Variants in STAB2 observed in about 807,000 individuals in gnomAD.
STAB2 encodes stabilin 2, also known as stabilin-2.
Under a neutral mutation model 338.1 loss-of-function variants are expected in STAB2, and 288 were observed. The observed-to-expected ratio is 0.85, with a 90% CI of 0.77 to 0.94. STAB2 has a LOEUF of 0.94. STAB2 is among the 40% of genes least tolerant of loss of function. The pLI, the probability that STAB2 is intolerant of heterozygous loss-of-function variation, is 0.00. For missense variants in STAB2, 3,141 were observed against 3,210.1 expected (o/e 0.98, Z 0.52); for synonymous variants, 1,202 against 1,193.3 (o/e 1.01, Z -0.15).
rs577926419 is a variant in STAB2 at position 103,591,149 on chromosome 12, A to G, written c.215+119A>G. 42 of 1,345,660 alleles carry G rather than the reference A, an allele frequency of 3.1e-5. 2 individuals are homozygous for G. In the South Asian group the frequency reaches 5.2e-4, roughly 17 times the overall value. 83.4% of individuals were successfully genotyped at this position (1,345,660 alleles called of 1,614,324 possible). ...GCTCTAAGACAATAAGCCCAAACTTAGGTAACTCACAATTTATGAACTTAA... is the reference window on the plus strand; with the variant it reads ...GCTCTAAGACAATAAGCCCAAACTTGGGTAACTCACAATTTATGAACTTAA... On this transcript the variant is annotated intron_variant, in intron 2 of 68. Coordinates refer to ENST00000388887, the MANE Select transcript of STAB2 (RefSeq NM_017564.10).
At chr12:103,747,497 C>G (rs1202826118) in intron 58 of STAB2, among the ~76,000 whole-genome samples, 2 of 152,132 alleles carry the variant, frequency 1.3e-5, no homozygotes, top group African/African-American at 4.8e-5. Context: ...ATAAGCCCAG[C>G]CTGGACAGCA....
chr12:103,615,795 T>G (rs1481601849), intron 3 of STAB2, among the ~76,000 whole-genome samples: 1 of 152,104 alleles, frequency 6.6e-6, no homozygotes, highest in Non-Finnish European at 1.5e-5. Context: ...ACAGAGTAAG[T>G]GCAAGCAGGG....
chr12:103,587,405 T>TA lies in STAB2; in HGVS notation c.-71dup, dbSNP rs1956726258. ...AATGAGAAAGAATTCACTGGGAGTT[T>TA]ATCAAACTAAGTTAAAATAGCTAAG... On this transcript the variant is annotated 5_prime_UTR_variant, in exon 1 of 69. It introduces an in-frame stop codon into an upstream open reading frame of the 5' UTR. Coordinates refer to ENST00000388887, the MANE Select transcript of STAB2 (RefSeq NM_017564.10). 1 of 1,238,654 alleles carries TA rather than the reference T, an allele frequency of 8.1e-7. No homozygotes were observed. The highest frequency in any genetic ancestry group is 2.0e-5 in the Admixed American group (1 of 50,820). 76.7% of individuals were successfully genotyped at this position (1,238,654 alleles called of 1,614,324 possible). A position where few individuals can be genotyped will look rare whatever the true frequency, so the allele number is the denominator to read the frequency against.
chr12:103,647,966 A>T (rs1873456978), intron 9 of STAB2, among the ~76,000 whole-genome samples: 1 of 152,248 alleles, frequency 6.6e-6, no homozygotes, highest in Non-Finnish European at 1.5e-5. Flanking sequence ...AGCACCTATT[A>T]TGGACCTACC....
chr12:103,688,377 T>C (rs1385669936), intron 28 of STAB2, among the ~76,000 whole-genome samples, 162 bp downstream of exon 28: 1 of 152,172 alleles, frequency 6.6e-6, no homozygotes, highest in Non-Finnish European at 1.5e-5. Context: ...ATGGAACACA[T>C]TTTTAAAAAA....
At chr12:103,744,225 C>A (rs1882815152) in intron 56 of STAB2, among the ~76,000 whole-genome samples, 1 of 152,152 alleles carries the variant, frequency 6.6e-6, no homozygotes, top group Admixed American at 6.5e-5. Flanking sequence ...CTCACTGCAG[C>A]CTCAACCTCC....
At position 103,750,592 on chromosome 12, in the gene STAB2, G is replaced by T. The variant is rs1313830767; in HGVS notation, c.6452G>T (p.Cys2151Phe). ...CTCCCTCCACAGGGCAAGCACAAGT[G>T]TGAGTGTAAAAGTCACTATGTCGGA... The part of the protein sequence containing the change: ...CKMTGPGKHK[C>F]ECKSHYVGDG... The change falls in exon 60 of 69, where the codon TGT (cysteine) becomes TTT (phenylalanine). Residue 2151 changes from cysteine (C) to phenylalanine (F), a missense_variant. Coordinates refer to ENST00000388887, the MANE Select transcript of STAB2 (RefSeq NM_017564.10). 3 of 1,614,198 alleles carry T rather than the reference G, an allele frequency of 1.9e-6. No homozygotes were observed. Among genetic ancestry groups the T allele is most frequent in the East Asian group, 4.5e-5 (2 of 44,886 alleles).
rs201082962 is a variant in STAB2 at position 103,587,494 on chromosome 12, A to C, written c.18A>C (p.Leu6Phe). 2 of 1,613,976 alleles carry C rather than the reference A, an allele frequency of 1.2e-6. No homozygotes were observed. Among genetic ancestry groups the C allele is most frequent in the East Asian group, 4.5e-5 (2 of 44,870 alleles). ...ATTTCCTCATGATGCTACAACATTT[A>C]GTAATTTTTTGTCTTGGATTGGTTG... Reference protein sequence around the residue: MMLQHLVIFCLGLVVQ... With the variant: MMLQHFVIFCLGLVVQ... The change falls in exon 1 of 69, where the codon TTA becomes TTC. Residue 6 changes from leucine (L) to phenylalanine (F), a missense_variant. Transcript: ENST00000388887.
chr12:103,665,865 A>G (rs1038955524), intron 18 of STAB2, among the ~76,000 whole-genome samples: 6 of 152,320 alleles, frequency 3.9e-5, no homozygotes, highest in Admixed American at 2.6e-4. Context: ...GTGTTCGGCT[A>G]TATTGCTGCT....
intron 3 of STAB2, among the ~76,000 whole-genome samples, chr12:103,595,435 G>T (rs886122497): frequency 1.3e-5 from 2 of 151,952 alleles, no homozygotes; most frequent in Non-Finnish European, 2.9e-5. Flanking sequence ...ATATCAATTT[G>T]TATTCTGTCG....
intron 3 of STAB2, among the ~76,000 whole-genome samples, chr12:103,608,299 T>C (rs831430): frequency 0.79 from 119,914 of 152,062 alleles, 47,569 homozygotes; most frequent in East Asian, 1. Context: ...CCTCCAAGCC[T>C]AGCTAATTTT....
chr12:103,642,407 A>G (rs1014881698), intron 9 of STAB2, among the ~76,000 whole-genome samples: 2 of 152,208 alleles, frequency 1.3e-5, no homozygotes, highest in Non-Finnish European at 2.9e-5. Context: ...AAAAGTACAA[A>G]CAACAGTGAA....
At position 103,763,495 on chromosome 12, in the gene STAB2, G is replaced by A. The variant is rs757879305; in HGVS notation, c.7492G>A (p.Glu2498Lys). The change falls in exon 68 of 69, where the codon GAA becomes AAA. Residue 2498 changes from glutamate to lysine, a missense_variant. By Grantham distance (56) the Glu-to-Lys change is moderately conservative. Transcript: ENST00000388887. ...RTIGFQHFES[E>K]EDINVAALGK... ...TCATGCTTGTCTTTCCAAACAGTCGGAAGAGGACATTAATGTTGCAGCTCT... is the reference window on the plus strand; with the variant it reads ...TCATGCTTGTCTTTCCAAACAGTCGAAAGAGGACATTAATGTTGCAGCTCT... The A allele has an allele frequency of 7.4e-6, 12 of 1,613,882 alleles. No homozygotes were observed. Among genetic ancestry groups the A allele is most frequent in the Admixed American group, 1.7e-5 (1 of 60,000 alleles).
intron 34 of STAB2, among the ~76,000 whole-genome samples, chr12:103,702,244 G>A (rs544457582): frequency 2.6e-5 from 4 of 151,020 alleles, no homozygotes; most frequent in Non-Finnish European, 4.4e-5. Context: ...TTATGGACAC[G>A]CTAAACAAGG....
rs768750759 is a variant in STAB2, at chr12:103,594,394, G to C, written c.216-1G>C. ...TTAATGTCCTCTCTTTACCCTCCAA[G>C]GTACACCTTTGAGGTCAGAACATAC... On this transcript the variant is annotated splice_acceptor_variant, in intron 2 of 68. Coordinates refer to ENST00000388887, the MANE Select transcript of STAB2 (RefSeq NM_017564.10). LOFTEE classifies it high-confidence loss of function. The C allele has an allele frequency of 3.1e-6, 5 of 1,613,024 alleles. No homozygotes were observed. Among genetic ancestry groups the C allele is most frequent in the Non-Finnish European group, 4.2e-6 (5 of 1,179,154 alleles).
chr12:103,609,556 G>A (rs1957087995), intron 3 of STAB2, among the ~76,000 whole-genome samples: 1 of 152,166 alleles, frequency 6.6e-6, no homozygotes, highest in Non-Finnish European at 1.5e-5. Flanking sequence ...AGACTTTGCT[G>A]AAGTTGCTTA....
chr12:103,754,970 C>A, intron 61 of STAB2: 2 of 224,630 alleles, frequency 8.9e-6, no homozygotes, highest in Non-Finnish European at 1.8e-5. Flanking sequence ...AATTTGAGTT[C>A]TATCATCAGA....
intron 27 of STAB2, among the ~76,000 whole-genome samples, chr12:103,686,989 T>C (rs1877493338): frequency 6.6e-6 from 1 of 152,212 alleles, no homozygotes; most frequent in African/African-American, 2.4e-5. Context: ...GTTTATTCAC[T>C]TTCTTGCTAA....
rs1281887765 is a variant in STAB2, at chr12:103,755,508, C to T, written c.6880+41C>T. 24 of 1,609,806 alleles carry T rather than the reference C, an allele frequency of 1.5e-5. No individual in the cohort carries two copies. In the Admixed American group the frequency reaches 3.8e-4, roughly 26 times the overall value. ...ACACTTCAGGTTCTGGGCCACACAG[C>T]TGCTGAGCAATCCTCAGCCTGGCCA... On this transcript the variant is annotated intron_variant, in intron 62 of 68. Coordinates refer to ENST00000388887, the MANE Select transcript of STAB2 (RefSeq NM_017564.10).
Sources: gnomAD v4.1 joint callset for allele counts (sites outside exome capture counted in the v4.1 genomes callset) on GRCh38, gnomAD v4.1.1 for gene constraint, MANE v1.5 for transcripts, NCBI Gene and HGNC (gene_info 2026-07-23, HGNC 2026-07-21) for gene names.